Variants in LRRIQ3 observed in about 807,000 individuals in gnomAD.
LRRIQ3 encodes the protein leucine-rich repeat and IQ domain-containing protein 3.
A neutral mutation model predicts 59.3 loss-of-function variants in LRRIQ3; 75 were observed. The ratio of observed to expected loss-of-function variants is 1.26; its 90% CI spans 1.05 to 1.53. The LOEUF (loss-of-function observed/expected upper bound fraction) is 1.53. Among genes scored for constraint, LRRIQ3 ranks in the 40% most tolerant of loss-of-function variants. LRRIQ3 has a pLI of 0.00. For missense variants in LRRIQ3, 831 were observed against 710.0 expected, an observed-to-expected ratio of 1.17 and a Z score of -1.94; for synonymous variants, 250 against 231.3, an observed-to-expected ratio of 1.08 and a Z score of -0.73.
intron 7 of LRRIQ3, among the ~76,000 whole-genome samples, chr1:74,035,416 T>C (rs960737294): frequency 2.0e-5 from 3 of 152,136 alleles, no homozygotes; most frequent in Non-Finnish European, 4.4e-5. Flanking sequence ...GGGTCATGGT[T>C]TTATGTTCTT....
At chr1:74,192,909 TTTTG>T (rs1309909495) in intron 1 of LRRIQ3, among the ~76,000 whole-genome samples, 6 of 152,170 alleles carry the variant, frequency 3.9e-5, no homozygotes, top group Admixed American at 2.6e-4. Flanking sequence ...AGCATTTCAA[TTTTG>T]TTTCTCATTA....
At chr1:74,077,243 T>C (rs1483795) in intron 5 of LRRIQ3, among the ~76,000 whole-genome samples, 69,922 of 150,910 alleles carry the variant, frequency 0.46, 17,894 homozygotes, top group East Asian at 0.82. Flanking sequence ...TTTTGCTCTA[T>C]TTGGAAACTT....
intron 4 of LRRIQ3, among the ~76,000 whole-genome samples, chr1:74,114,972 C>T (rs1233341462): frequency 6.6e-6 from 1 of 151,744 alleles, no homozygotes; most frequent in Non-Finnish European, 1.5e-5. Context: ...TTTTACATGG[C>T]TCCTATTTTA....
chr1:74,047,792 G>A (rs2100406722), intron 6 of LRRIQ3, among the ~76,000 whole-genome samples: 1 of 152,106 alleles, frequency 6.6e-6, no homozygotes, highest in Middle Eastern at 3.4e-3. Context: ...CCAGTTTATG[G>A]TATTTTGTTA....
At chr1:74,192,546 G>A (rs1011191167) in intron 1 of LRRIQ3, among the ~76,000 whole-genome samples, 1 of 152,006 alleles carries the variant, frequency 6.6e-6, no homozygotes, top group Admixed American at 6.6e-5. Context: ...TTTAGTTGAT[G>A]TGATATGAAC....
At chr1:74,068,488 G>C (rs999141649) in intron 6 of LRRIQ3, among the ~76,000 whole-genome samples, 2 of 151,978 alleles carry the variant, frequency 1.3e-5, no homozygotes, top group Non-Finnish European at 2.9e-5. Flanking sequence ...TGGGAAGCTG[G>C]GCAATGCAGG....
At chr1:74,163,099 G>T (rs1469369297) in intron 3 of LRRIQ3, among the ~76,000 whole-genome samples, 1 of 151,448 alleles carries the variant, frequency 6.6e-6, no homozygotes, top group Non-Finnish European at 1.5e-5. Context: ...CACCATGAAT[G>T]CCATAAATAT....
intron 4 of LRRIQ3, among the ~76,000 whole-genome samples, chr1:74,153,265 C>T (rs1648100155): frequency 6.6e-6 from 1 of 152,184 alleles, no homozygotes; most frequent in East Asian, 1.9e-4. Context: ...GAAATACTAC[C>T]ACTCTAAAAG....
intron 6 of LRRIQ3, among the ~76,000 whole-genome samples, chr1:74,068,588 T>C (rs1654933306): frequency 1.3e-5 from 2 of 152,016 alleles, no homozygotes; most frequent in South Asian, 4.1e-4. Context: ...TCCTCTCTGT[T>C]CTCAGTAGTA....
intron 4 of LRRIQ3, among the ~76,000 whole-genome samples, chr1:74,129,575 GT>G (rs747330825): frequency 1.4e-3 from 211 of 152,090 alleles, no homozygotes; most frequent in Middle Eastern, 0.014. Flanking sequence ...GCTCTACTCT[GT>G]TTGGGCCAAG....
intron 5 of LRRIQ3, among the ~76,000 whole-genome samples, chr1:74,108,462 G>A (rs776132911): frequency 2.0e-5 from 3 of 151,676 alleles, no homozygotes; most frequent in African/African-American, 7.3e-5. Context: ...ACTTTCACAC[G>A]ATTTAAGGAG....
rs545194862 is a variant in LRRIQ3 at position 74,185,891 on chromosome 1, C to T, written c.1-2207G>A. ...CCAGGAGCGTGCACTCCAGCCTGGG[C>T]GACAGAGCAAGACTACGTCTCAAAA... On this transcript the variant is annotated intron_variant, in intron 1 of 7. Transcript: ENST00000354431. Among the ~76,000 whole-genome samples, 4 of 151,468 alleles carry T rather than the reference C, an allele frequency of 2.6e-5. No individual in the cohort carries two copies. In the South Asian group the frequency reaches 6.2e-4, roughly 24 times the overall value.
intron 6 of LRRIQ3, among the ~76,000 whole-genome samples, chr1:74,060,341 C>T (rs1654686064): frequency 6.6e-6 from 1 of 151,010 alleles, no homozygotes; most frequent in Non-Finnish European, 1.5e-5. Context: ...TCCACCTCCT[C>T]CTCCTTTTCT....
Position 74,041,439 on chromosome 1 carries a change from T to C in LRRIQ3, c.1492A>G (p.Arg498Gly), listed in dbSNP as rs1445417311. The C allele has an allele frequency of 1.4e-5, 22 of 1,613,698 alleles. 1 individual carries two copies. In the African/African-American group the frequency reaches 2.9e-4, roughly 22 times the overall value. ...TTTAGAAACAGAGCTTTTCTCTCTCTAGCTTTTTCAAGGTAGTTGAATCTG... is the reference window on the plus strand; with the variant it reads ...TTTAGAAACAGAGCTTTTCTCTCTCCAGCTTTTTCAAGGTAGTTGAATCTG... The part of the protein sequence containing the change: ...QNRFNYLEKA[R>G]ERKALFLKEK... Residue 498 changes from arginine (R) to glycine (G), a missense_variant, in exon 7 of 8, where the codon AGA becomes GGA. By Grantham distance (125) the Arg-to-Gly change is moderately radical. Coordinates refer to ENST00000354431, the MANE Select transcript of LRRIQ3 (RefSeq NM_001105659.2).
At chr1:74,100,731 A>C (rs2100541187) in intron 5 of LRRIQ3, among the ~76,000 whole-genome samples, 1 of 152,308 alleles carries the variant, frequency 6.6e-6, no homozygotes, top group East Asian at 1.9e-4. Context: ...ATGGAACAGA[A>C]CAGAGCCCTC....
intron 5 of LRRIQ3, among the ~76,000 whole-genome samples, chr1:74,096,772 G>A (rs1355252432): frequency 1.3e-5 from 2 of 152,100 alleles, no homozygotes; most frequent in Non-Finnish European, 1.5e-5. Context: ...TAACAATCAG[G>A]ACCCTCAGCT....
intron 6 of LRRIQ3, among the ~76,000 whole-genome samples, chr1:74,061,096 G>C (rs970627414): frequency 2.0e-5 from 3 of 152,044 alleles, no homozygotes; most frequent in African/African-American, 4.8e-5. Context: ...TTCAGGATAT[G>C]AAATCAATGT....
chr1:74,108,432 A>T (rs959808782), intron 5 of LRRIQ3, among the ~76,000 whole-genome samples: 8 of 151,938 alleles, frequency 5.3e-5, no homozygotes, highest in African/African-American at 1.9e-4. Context: ...TTTGTATCCT[A>T]TGTTTTTATT....
At chr1:74,064,375 C>T (rs1654813027) in intron 6 of LRRIQ3, among the ~76,000 whole-genome samples, 1 of 151,808 alleles carries the variant, frequency 6.6e-6, no homozygotes, top group Non-Finnish European at 1.5e-5. Context: ...GTTATATGGC[C>T]AACAATATAA....
Sources: allele counts gnomAD v4.1 joint callset (sites outside exome capture counted in the v4.1 genomes callset), GRCh38; gene constraint gnomAD v4.1.1; transcripts MANE v1.5; gene names NCBI Gene and HGNC (gene_info 2026-07-23, HGNC 2026-07-21).